DLG2: variants seen among roughly 807,000 people sequenced by gnomAD.
The protein encoded by DLG2 is discs large MAGUK scaffold protein 2.
A neutral mutation model predicts 132.5 loss-of-function variants in DLG2; 45 were observed. That is an observed-to-expected ratio of 0.34 (90% CI 0.27 to 0.44). The LOEUF (loss-of-function observed/expected upper bound fraction) is 0.44. DLG2 is among the 20% of genes least tolerant of loss of function. DLG2 has a pLI of 1.00. For synonymous variants in DLG2, 424 were observed against 419.6 expected, an observed-to-expected ratio of 1.01 and a Z score of -0.13; for missense variants, 1,045 against 1,196.9, an observed-to-expected ratio of 0.87 and a Z score of 1.87.
At chr11:85,593,964 T>C (rs2079551006) in intron 3 of DLG2, among the ~76,000 whole-genome samples, 1 of 152,118 alleles carries the variant, frequency 6.6e-6, no homozygotes, top group Admixed American at 6.6e-5. Context: ...CCCTATTGCA[T>C]AGCACAATGT....
At chr11:83,911,229 G>A (rs1035028882) in intron 15 of DLG2, among the ~76,000 whole-genome samples, 1 of 152,084 alleles carries the variant, frequency 6.6e-6, no homozygotes, top group African/African-American at 2.4e-5. Context: ...AGGAACAGGG[G>A]AATGAAGCTG....
At chr11:84,057,374 A>C (rs1438242794) in intron 11 of DLG2, among the ~76,000 whole-genome samples, 6 of 152,170 alleles carry the variant, frequency 3.9e-5, no homozygotes, top group Non-Finnish European at 7.3e-5. Flanking sequence ...ATTACAGTTA[A>C]TTGAATTACA....
chr11:83,712,855 A>G (rs372548375), intron 18 of DLG2, among the ~76,000 whole-genome samples: 1 of 152,118 alleles, frequency 6.6e-6, no homozygotes, highest in African/African-American at 2.4e-5. Context: ...TAGCTAATGG[A>G]TGCTAGGCTT....
intron 18 of DLG2, among the ~76,000 whole-genome samples, chr11:83,670,605 T>C (rs1439893455): frequency 6.6e-6 from 1 of 151,896 alleles, no homozygotes; most frequent in African/African-American, 2.4e-5. Flanking sequence ...AAGACATTTC[T>C]TTAAAAAAAA....
intron 19 of DLG2, among the ~76,000 whole-genome samples, chr11:83,556,558 G>C (rs1244918393): frequency 3.3e-5 from 5 of 152,008 alleles, no homozygotes; most frequent in African/African-American, 1.2e-4. Flanking sequence ...TTTTTGTAGA[G>C]ATGCAGTTTT....
At position 83,732,123 on chromosome 11, in the gene DLG2, G is replaced by C. The variant is rs2091125585; in HGVS notation, c.1825+54567C>G. The stretch of plus-strand genomic sequence containing the variant: ...TTACTGATTAATTTCGATCTAGTTA[G>C]TATGTTAAAGACGTGTTCATTTAAA... On this transcript the variant is annotated intron_variant, in intron 18 of 27. Transcript: ENST00000376104. Among the ~76,000 whole-genome samples the C allele has an allele frequency of 2.0e-5, 3 of 152,260 alleles. No individual in the cohort carries two copies. In the South Asian group the frequency reaches 6.2e-4, roughly 32 times the overall value.
At chr11:84,952,240 G>A (rs369334848) in intron 6 of DLG2, among the ~76,000 whole-genome samples, 1 of 152,170 alleles carries the variant, frequency 6.6e-6, no homozygotes, top group Non-Finnish European at 1.5e-5. Flanking sequence ...CTTTTTCTCA[G>A]TGCTTAAGAA....
intron 9 of DLG2, among the ~76,000 whole-genome samples, chr11:84,105,909 T>G (rs2092874304): frequency 6.6e-6 from 1 of 152,118 alleles, no homozygotes; most frequent in African/African-American, 2.4e-5. Context: ...GCAAAGCCAT[T>G]TGTTTATTTT....
chr11:83,789,313 CA>C (rs1170379166), intron 17 of DLG2, among the ~76,000 whole-genome samples: 14 of 126,842 alleles, frequency 1.1e-4, no homozygotes, highest in African/African-American at 4.2e-4. Context: ...TTTAAAAAGA[CA>C]TAGCAATTTC....
At chr11:85,352,402 A>G (rs1251972769) in intron 3 of DLG2, among the ~76,000 whole-genome samples, 11 of 151,910 alleles carry the variant, frequency 7.2e-5, no homozygotes, top group African/African-American at 2.4e-4. Context: ...TTGTGTCTCT[A>G]TCTCCTTCAG....
intron 9 of DLG2, among the ~76,000 whole-genome samples, chr11:84,121,541 ATTTTTTTTTTTTTTTTTTTT>A (rs869183421): frequency 1.8e-4 from 12 of 66,686 alleles, no homozygotes; most frequent in East Asian, 1.7e-3. Context: ...TTCCTTGCTA[ATTTTTTTTTTTTTTTTTTTT>A]TTTTTTTTTT....
chr11:85,268,098 GTGTAGAA>G (rs1466267579), intron 4 of DLG2, among the ~76,000 whole-genome samples: 1 of 152,162 alleles, frequency 6.6e-6, no homozygotes, highest in African/African-American at 2.4e-5. Context: ...ATTTCAAAGA[GTGTAGAA>G]TGGACTCTGA....
intron 3 of DLG2, among the ~76,000 whole-genome samples, chr11:85,584,107 C>A (rs1318087500): frequency 2.0e-5 from 3 of 152,040 alleles, no homozygotes; most frequent in Non-Finnish European, 4.4e-5. Context: ...TACCCATTAC[C>A]TAAGCAGTGT....
chr11:84,439,461 C>T (rs757489897), intron 7 of DLG2, among the ~76,000 whole-genome samples: 1 of 150,850 alleles, frequency 6.6e-6, no homozygotes, highest in African/African-American at 2.5e-5. Context: ...TGCCTTGCTG[C>T]CAACCAGGGT....
chr11:84,765,796 T>C lies in DLG2; in HGVS notation c.358-231065A>G, dbSNP rs564776279. Among the ~76,000 whole-genome samples, 17 of 151,992 alleles carry C rather than the reference T, an allele frequency of 1.1e-4. 1 individual carries two copies. Among genetic ancestry groups the C allele is most frequent in the Admixed American group, 7.9e-4 (12 of 15,258 alleles). Reference sequence around the variant, plus strand: ...CTAGGTCACTTCATTTTGGTGTAAGTTTTTTTTATAGCAATCAAAATTATT... The same window carrying C: ...CTAGGTCACTTCATTTTGGTGTAAGCTTTTTTTATAGCAATCAAAATTATT... On this transcript the variant is annotated intron_variant, in intron 6 of 27. Coordinates refer to ENST00000376104, the MANE Select transcript of DLG2 (RefSeq NM_001142699.3).
At chr11:83,645,460 C>T (rs751384820) in intron 18 of DLG2, among the ~76,000 whole-genome samples, 28 of 152,152 alleles carry the variant, frequency 1.8e-4, no homozygotes, top group Non-Finnish European at 3.7e-4. Context: ...TTGTATGAAA[C>T]ATACACTAAT....
At chr11:83,959,908 T>C (rs1377926257) in intron 14 of DLG2, among the ~76,000 whole-genome samples, 1 of 152,126 alleles carries the variant, frequency 6.6e-6, no homozygotes, top group Non-Finnish European at 1.5e-5. Context: ...ACAGCACTTA[T>C]TGTTAACGGT....
intron 21 of DLG2, among the ~76,000 whole-genome samples, chr11:83,503,374 TA>T (rs1565510835): frequency 0.018 from 65 of 3,630 alleles, 1 homozygote; most frequent in African/African-American, 0.06. Flanking sequence ...CCCATTTATA[TA>T]TATATATATA....
intron 7 of DLG2, among the ~76,000 whole-genome samples, chr11:84,459,163 C>T: frequency 6.6e-6 from 1 of 150,556 alleles, no homozygotes; most frequent in Admixed American, 6.6e-5. Context: ...TTTGAATAAT[C>T]TATCAGTTTC....
Sources: gnomAD v4.1 joint callset for allele counts (sites outside exome capture counted in the v4.1 genomes callset) on GRCh38, gnomAD v4.1.1 for gene constraint, MANE v1.5 for transcripts, NCBI Gene and HGNC (gene_info 2026-07-23, HGNC 2026-07-21) for gene names.